TTC28: variants seen among roughly 807,000 people sequenced by gnomAD.
The protein encoded by TTC28 is tetratricopeptide repeat domain 28.
Under a neutral mutation model 198.0 loss-of-function variants are expected in TTC28, and 61 were observed. That is an observed-to-expected ratio of 0.31 (90% CI 0.25 to 0.38). The LOEUF is 0.38. Ranked by LOEUF, TTC28 falls within the 10% of genes least tolerant of loss-of-function variation. The probability of loss-of-function intolerance (pLI) is 1.00; values close to 1 mark genes in which losing one functional copy is unlikely to be tolerated. For missense variants in TTC28, 2,678 were observed against 3,164.0 expected (o/e 0.85, Z 3.69); for synonymous variants, 1,171 against 1,297.8 (o/e 0.90, Z 2.10).
intron 2 of TTC28, among the ~76,000 whole-genome samples, chr22:28,461,362 T>C (rs560733488): frequency 2.0e-5 from 3 of 152,324 alleles, no homozygotes; most frequent in Admixed American, 2.0e-4. Flanking sequence ...CCGTATGGTC[T>C]TGTAGACTAT....
At position 28,107,285 on chromosome 22, in the gene TTC28, T is replaced by C. The variant is rs1210994081; in HGVS notation, c.2560A>G (p.Ile854Val). The C allele has an allele frequency of 1.9e-6, 3 of 1,551,756 alleles. No individual in the cohort carries two copies. Among genetic ancestry groups the C allele is most frequent in the African/African-American group, 1.4e-5 (1 of 73,068 alleles). ...GCCAATTGCTGCTCAAAGTAGCCAATGGCTTCTTCCATCACATTCATGTTC... is the reference window on the plus strand; with the variant it reads ...GCCAATTGCTGCTCAAAGTAGCCAACGGCTTCTTCCATCACATTCATGTTC... ...KMNMNVMEEAIGYFEQQLAML... is the reference protein window; with the variant it reads ...KMNMNVMEEAVGYFEQQLAML... The change falls in exon 7 of 23, where the codon ATT becomes GTT. Residue 854 changes from isoleucine to valine, a missense_variant. Physicochemically the swap from Ile to Val is conservative, Grantham distance 29. Around this residue, in one of 8 missense-constraint regions of TTC28, gnomAD observed 775 missense variants for 845.9 expected, o/e 0.92. Transcript: ENST00000397906.
chr22:28,375,151 G>C, intron 2 of TTC28, among the ~76,000 whole-genome samples: 1 of 151,828 alleles, frequency 6.6e-6, no homozygotes, highest in East Asian at 1.9e-4. Context: ...AAAAAAGAAA[G>C]GAAAGCATAC....
intron 2 of TTC28, among the ~76,000 whole-genome samples, chr22:28,511,030 T>C (rs1215862508): frequency 6.6e-6 from 1 of 152,158 alleles, no homozygotes; most frequent in Non-Finnish European, 1.5e-5. Context: ...TGGGAAAACA[T>C]TTCATGCTCA....
chr22:28,107,151 T>C lies in TTC28; in HGVS notation c.2694A>G (p.Lys898=). 1 of 1,551,742 alleles carries C rather than the reference T, an allele frequency of 6.4e-7. No homozygotes were observed. Among genetic ancestry groups the C allele is most frequent in the Non-Finnish European group, 8.7e-7 (1 of 1,147,004 alleles). The change falls in exon 7 of 23, where the codon AAA becomes AAG. Residue 898 remains lysine (K), a synonymous_variant. Transcript: ENST00000397906. ...CGACAGATAAATATTGTTCATAGTA[T>C]TTGATAGCTTCCTCATAGTCACCCA... ...EALGDYEEAI[K]YYEQYLSVAQ...
intron 5 of TTC28, among the ~76,000 whole-genome samples, chr22:28,271,532 C>T (rs184562840): frequency 2.6e-5 from 4 of 152,228 alleles, no homozygotes; most frequent in Non-Finnish European, 4.4e-5. Context: ...GTGGGAGGGA[C>T]CCAGTGGGAG....
chr22:28,636,955 C>T (rs1006979737), intron 1 of TTC28, among the ~76,000 whole-genome samples: 2 of 149,470 alleles, frequency 1.3e-5, no homozygotes, highest in Admixed American at 6.7e-5. Context: ...ATATTAAGAA[C>T]TTTTTCCCCC....
At chr22:28,673,717 T>C (rs2051927655) in intron 1 of TTC28, among the ~76,000 whole-genome samples, 1 of 152,216 alleles carries the variant, frequency 6.6e-6, no homozygotes, top group Non-Finnish European at 1.5e-5. Context: ...TTAGTGTTTG[T>C]TTTTGGAAGA....
At chr22:28,106,966 G>A (rs1368110237) in intron 7 of TTC28, 96 bp downstream of exon 7, 1 of 1,423,838 alleles carries the variant, frequency 7.0e-7, no homozygotes, top group African/African-American at 1.4e-5. Context: ...AATGTTTGTA[G>A]TTAACAAACT....
intron 1 of TTC28, among the ~76,000 whole-genome samples, chr22:28,679,011 A>C (rs372331754): frequency 6.6e-6 from 1 of 152,138 alleles, no homozygotes; most frequent in Non-Finnish European, 1.5e-5. Context: ...GAGCCCAGAG[A>C]CATCCCGTCC....
intron 5 of TTC28, among the ~76,000 whole-genome samples, chr22:28,174,045 T>C (rs1469872065): frequency 2.0e-5 from 3 of 152,214 alleles, no homozygotes; most frequent in African/African-American, 7.2e-5. Flanking sequence ...ATGTATTCTC[T>C]GCCAGTTCAG....
intron 2 of TTC28, among the ~76,000 whole-genome samples, chr22:28,515,110 A>G (rs2146405777): frequency 6.6e-6 from 1 of 152,344 alleles, no homozygotes; most frequent in Admixed American, 6.5e-5. Context: ...GAAAATTACT[A>G]TGCAAGTTGT....
intron 20 of TTC28, 59 bp downstream of exon 20, chr22:27,990,730 G>A (rs760469661): frequency 1.5e-4 from 226 of 1,516,328 alleles, no homozygotes; most frequent in East Asian, 2.2e-4. Flanking sequence ...AGGGGAACTC[G>A]GGGGTGGGTG....
intron 2 of TTC28, among the ~76,000 whole-genome samples, chr22:28,514,136 C>A (rs1236934715): frequency 6.6e-6 from 1 of 152,136 alleles, no homozygotes; most frequent in African/African-American, 2.4e-5. Flanking sequence ...TTCTTCTACT[C>A]TATCTTATAT....
chr22:28,498,058 G>A (rs879408659), intron 2 of TTC28, among the ~76,000 whole-genome samples: 1 of 151,746 alleles, frequency 6.6e-6, no homozygotes, highest in African/African-American at 2.4e-5. Flanking sequence ...GAGTAGCCAC[G>A]GTTTTCACAG....
chr22:28,632,253 CTTTTTTTTTTTTTTT>C lies in TTC28; in HGVS notation c.103-2438_103-2424del, dbSNP rs765447917. Among the ~76,000 whole-genome samples, 13 of 49,702 alleles carry C rather than the reference CTTTTTTTTTTTTTTT, an allele frequency of 2.6e-4. No homozygotes were observed. The Admixed American group carries it at 4.2e-3, about 16-fold the overall frequency. 32.6% of individuals were successfully genotyped at this position (49,702 alleles called of 152,430 possible). On this transcript the variant is annotated intron_variant, in intron 1 of 22. Coordinates refer to ENST00000397906, the MANE Select transcript of TTC28 (RefSeq NM_001145418.2). ...ATATCAGTGTCCAAGTTATATTCAA[CTTTTTTTTTTTTTTT>C]TTTTTTTTTTTTTTTTGAGGAGAAG... is the stretch of plus-strand genomic sequence containing the variant.
Position 28,105,354 on chromosome 22 carries a change from C to A in TTC28, c.3232G>T (p.Val1078Leu), listed in dbSNP as rs202070954. 1.1e-4 allele frequency: 167 copies of A among 1,551,580 alleles called. No homozygotes were observed. In the East Asian group the frequency reaches 4.0e-3, roughly 37 times the overall value. The change falls in exon 8 of 23, where the codon GTG becomes TTG. Residue 1078 changes from valine (V) to leucine (L), a missense_variant. Val to Leu is a conservative substitution (Grantham distance 32). This residue lies in a region of TTC28 where 727 missense variants were observed against 861.9 expected (regional missense o/e 0.84). Coordinates refer to ENST00000397906, the MANE Select transcript of TTC28 (RefSeq NM_001145418.2). ...AQMNDLAAKT[V>L]SYSSLGRTHH... Reference sequence around the variant, plus strand: ...GTCCTTCCAAGGCTACTATATGACACCGTCTTGGCCGCCAAGTCATTCATC... The same window carrying A: ...GTCCTTCCAAGGCTACTATATGACAACGTCTTGGCCGCCAAGTCATTCATC...
intron 5 of TTC28, among the ~76,000 whole-genome samples, chr22:28,164,002 G>A (rs573224243): frequency 8.5e-5 from 13 of 152,314 alleles, no homozygotes; most frequent in African/African-American, 2.9e-4. Context: ...ATTATATCCC[G>A]CACCTGGCTC....
At chr22:28,032,353 C>T (rs972899462) in intron 12 of TTC28, among the ~76,000 whole-genome samples, 2 of 144,478 alleles carry the variant, frequency 1.4e-5, no homozygotes, top group African/African-American at 5.2e-5. Context: ...TCTGGAAAAC[C>T]CAGATAAAAA....
intron 1 of TTC28, among the ~76,000 whole-genome samples, chr22:28,661,606 GA>G (rs1245053570): frequency 2.0e-5 from 3 of 151,456 alleles, no homozygotes; most frequent in Admixed American, 6.6e-5. Flanking sequence ...TTGATAGACA[GA>G]TAGTTTTGTT....
Sources: gnomAD v4.1 joint callset for allele counts (sites outside exome capture counted in the v4.1 genomes callset) on GRCh38, gnomAD v4.1.1 for gene constraint, gnomAD v4.1.1 regional missense constraint, MANE v1.5 for transcripts, NCBI Gene and HGNC (gene_info 2026-07-23, HGNC 2026-07-21) for gene names.